DNAH3: variants seen among roughly 807,000 people sequenced by gnomAD.
The protein encoded by DNAH3 is axonemal beta dynein heavy chain 3.
A neutral mutation model predicts 432.5 loss-of-function variants in DNAH3; 332 were observed. The ratio of observed to expected loss-of-function variants is 0.77; its 90% CI spans 0.70 to 0.84. DNAH3 has a LOEUF of 0.84. DNAH3 is among the 40% of genes least tolerant of loss of function. The pLI is 0.00. For synonymous variants in DNAH3, 1,956 were observed against 1,900.2 expected (o/e 1.03, Z -0.76); for missense variants, 4,861 against 5,114.0 (o/e 0.95, Z 1.51).
chr16:20,952,754 C>A (rs1267270192), intron 55 of DNAH3, among the ~76,000 whole-genome samples: 1 of 152,208 alleles, frequency 6.6e-6, no homozygotes, highest in Non-Finnish European at 1.5e-5. Flanking sequence ...ATTCTAAAAT[C>A]AATTTCCTTA....
chr16:21,087,347 C>T (rs1466306212), intron 18 of DNAH3, among the ~76,000 whole-genome samples: 1 of 152,136 alleles, frequency 6.6e-6, no homozygotes, highest in Admixed American at 6.6e-5. Context: ...TAATGCCTGG[C>T]ATATAATGGA....
chr16:21,114,321 T>C (rs1324546418), intron 12 of DNAH3, among the ~76,000 whole-genome samples: 1 of 152,090 alleles, frequency 6.6e-6, no homozygotes, highest in African/African-American at 2.4e-5. Flanking sequence ...AATCAAAATT[T>C]TCTCTGCCTG....
At chr16:21,140,604 C>T (rs770877881) in exon 5 of DNAH3, 18 of 1,614,024 alleles carry the variant, frequency 1.1e-5, no homozygotes, top group Admixed American at 5.0e-5. Context: ...AACATGACAT[C>T]GAGCTGCTGT....
At chr16:21,031,839 C>G (rs905094130) in intron 36 of DNAH3, among the ~76,000 whole-genome samples, 10 of 152,178 alleles carry the variant, frequency 6.6e-5, no homozygotes, top group South Asian at 6.2e-4. Context: ...ACCAGCCTGG[C>G]CAATATGGTG....
At chr16:20,951,505 C>T (rs1267518778) in intron 56 of DNAH3, among the ~76,000 whole-genome samples, 2 of 150,602 alleles carry the variant, frequency 1.3e-5, no homozygotes, top group Non-Finnish European at 3.0e-5. Context: ...AGTGGGGTGG[C>T]ACGATCAGAG....
chr16:21,047,188 C>T (rs1431798172), intron 31 of DNAH3, among the ~76,000 whole-genome samples: 1 of 148,016 alleles, frequency 6.8e-6, no homozygotes, highest in East Asian at 2.0e-4. Context: ...ATCTTTGTGG[C>T]ATTCTCTGTA....
chr16:21,120,010 C>T (rs1292128190), intron 11 of DNAH3, among the ~76,000 whole-genome samples: 1 of 151,886 alleles, frequency 6.6e-6, no homozygotes, highest in Non-Finnish European at 1.5e-5. Flanking sequence ...TTATTTCTCA[C>T]AAATATGCTT....
At chr16:21,067,296 G>A in exon 24 of DNAH3, 2 of 1,614,070 alleles carry the variant, frequency 1.2e-6, no homozygotes, top group Non-Finnish European at 1.7e-6. Flanking sequence ...GGGAAGAATA[G>A]TCTCTTCTTC....
intron 16 of DNAH3, among the ~76,000 whole-genome samples, chr16:21,100,732 T>TG (rs962305997): frequency 3.3e-5 from 5 of 152,228 alleles, no homozygotes; most frequent in Admixed American, 6.5e-5. Context: ...GATGAAATGA[T>TG]GGGGGAGAGA....
intron 20 of DNAH3, among the ~76,000 whole-genome samples, chr16:21,078,191 C>T (rs1321997931): frequency 5.4e-5 from 8 of 147,152 alleles, no homozygotes; most frequent in African/African-American, 2.0e-4. Context: ...AGGAAAATCG[C>T]TTGAACCCGG....
rs181680513 is a variant in DNAH3 at position 21,071,898 on chromosome 16, C to T, written c.3085-1072G>A. 3.9e-5 allele frequency among the ~76,000 whole-genome samples: 6 copies of T among 152,180 alleles called. No individual in the cohort carries two copies. The South Asian group carries it at 6.2e-4, about 16-fold the overall frequency. On this transcript the variant is annotated intron_variant, in intron 21 of 61. Coordinates refer to ENST00000261383, the Ensembl canonical transcript of DNAH3. ...TCTCCTTTCCCTTGGGTAGGAAGAT[C>T]GGCTGCTAATCTGACTGGTTAGGCC...
In DNAH3 at chr16:20,948,510, G is replaced by T. The variant is rs1259165964; in HGVS notation, c.11316C>A (p.Tyr3772Ter). 1 of 1,613,882 alleles carries T rather than the reference G, an allele frequency of 6.2e-7. No homozygotes were observed. The highest frequency in any genetic ancestry group is 1.1e-5 in the South Asian group (1 of 90,988). ...GGTAGGAGCCATGAGGAGGGATGTA[G>T]TAAGTGTCTCCAGGAGCGAGGGAGT... is the stretch of plus-strand genomic sequence containing the variant. The change falls in exon 57 of 62, where the codon TAC becomes TAA. Residue 3772 changes from tyrosine to a stop codon, truncating the protein, a stop_gained. Coordinates refer to ENST00000261383, the Ensembl canonical transcript of DNAH3. LOFTEE classifies it high-confidence loss of function.
At chr16:21,027,127 G>A (rs765617844) in exon 38 of DNAH3, 5 of 1,611,354 alleles carry the variant, frequency 3.1e-6, no homozygotes, top group South Asian at 1.1e-5. Flanking sequence ...ATGAGACACA[G>A]CTAAAAGTGC....
chr16:21,080,832 G>A (rs897495492), intron 20 of DNAH3, among the ~76,000 whole-genome samples: 3 of 152,206 alleles, frequency 2.0e-5, no homozygotes, highest in Non-Finnish European at 4.4e-5. Flanking sequence ...CTGTTCTAGA[G>A]GTAGCATCCA....
chr16:20,965,383 A>T, exon 53 of DNAH3: 1 of 1,536,498 alleles, frequency 6.5e-7, no homozygotes, highest in East Asian at 2.3e-5. Flanking sequence ...CAGATCCCCA[A>T]GAATCTTTTT....
chr16:20,978,870 T>C (rs1016374597), intron 50 of DNAH3, among the ~76,000 whole-genome samples: 1 of 151,946 alleles, frequency 6.6e-6, no homozygotes, highest in Non-Finnish European at 1.5e-5. Flanking sequence ...AAGAGGAATC[T>C]GAGGCTCAAA....
At chr16:21,020,129 T>C (rs1017447597) in intron 40 of DNAH3, among the ~76,000 whole-genome samples, 2 of 150,732 alleles carry the variant, frequency 1.3e-5, no homozygotes, top group African/African-American at 4.9e-5. Context: ...CAAGTGATCT[T>C]TCCACCCCAG....
At position 20,979,327 on chromosome 16, in the gene DNAH3, C is replaced by A; in HGVS notation, c.8076+3G>T. ...GTCTCTGTTCTGTTTTGGCAGTGCT[C>A]ACCTGAGAAGCTGCAAAGTCGAGTT... On this transcript the variant is annotated splice_donor_region_variant and intron_variant, in intron 50 of 61. Coordinates refer to ENST00000261383, the Ensembl canonical transcript of DNAH3. 1 of 1,613,668 alleles carries A rather than the reference C, an allele frequency of 6.2e-7. No homozygotes were observed. Among genetic ancestry groups the A allele is most frequent in the Non-Finnish European group, 8.5e-7 (1 of 1,179,968 alleles).
chr16:21,030,108 G>A (rs1249198986), intron 37 of DNAH3, among the ~76,000 whole-genome samples: 1 of 152,058 alleles, frequency 6.6e-6, no homozygotes, highest in African/African-American at 2.4e-5. Flanking sequence ...TTACACGTGT[G>A]AGCCTATAGG....
Sources: allele counts gnomAD v4.1 joint callset (sites outside exome capture counted in the v4.1 genomes callset), GRCh38; gene constraint gnomAD v4.1.1; transcripts MANE v1.5; gene names NCBI Gene and HGNC (gene_info 2026-07-23, HGNC 2026-07-21).